GRID2: variants seen among roughly 807,000 people sequenced by gnomAD.
The protein encoded by GRID2 is glutamate receptor ionotropic, delta-2.
A neutral mutation model predicts 114.8 loss-of-function variants in GRID2; 33 were observed. The ratio of observed to expected loss-of-function variants is 0.29; its 90% CI spans 0.22 to 0.38. The LOEUF is 0.38. GRID2 is among the 10% of genes least tolerant of loss of function. The probability of loss-of-function intolerance (pLI) is 1.00; values close to 1 mark genes in which losing one functional copy is unlikely to be tolerated. For synonymous variants in GRID2, 505 were observed against 449.9 expected (o/e 1.12, Z -1.55); for missense variants, 1,184 against 1,257.7 (o/e 0.94, Z 0.89).
intron 10 of GRID2, among the ~76,000 whole-genome samples, chr4:93,434,059 C>T (rs1720834403): frequency 1.3e-5 from 2 of 152,142 alleles, no homozygotes; most frequent in Admixed American, 1.3e-4. Flanking sequence ...GTTTTGAATC[C>T]TCTCTGAGTC....
intron 2 of GRID2, among the ~76,000 whole-genome samples, chr4:92,794,986 TAAGG>T (rs1298912386): frequency 2.0e-5 from 3 of 149,008 alleles, no homozygotes; most frequent in African/African-American, 7.4e-5. Context: ...AAGAAAATCA[TAAGG>T]AAGAGAAAAT....
At chr4:93,501,657 T>A (rs1042762081) in intron 12 of GRID2, among the ~76,000 whole-genome samples, 4 of 152,076 alleles carry the variant, frequency 2.6e-5, no homozygotes, top group African/African-American at 9.7e-5. Context: ...CAAAGCCACC[T>A]TTCAGTGAGC....
intron 14 of GRID2, among the ~76,000 whole-genome samples, chr4:93,726,519 T>A (rs371108263): frequency 5.3e-5 from 8 of 152,002 alleles, no homozygotes; most frequent in South Asian, 2.1e-4. Context: ...CAATTCTGTG[T>A]AGAAAGTCAT....
intron 8 of GRID2, among the ~76,000 whole-genome samples, chr4:93,341,479 C>T (rs1463682256): frequency 7.9e-5 from 12 of 152,074 alleles, no homozygotes; most frequent in Admixed American, 1.3e-4. Context: ...CCCGCCACCA[C>T]GCCCGGCTCA....
intron 8 of GRID2, among the ~76,000 whole-genome samples, chr4:93,365,750 A>C (rs1456050508): frequency 6.6e-6 from 1 of 152,156 alleles, no homozygotes. Flanking sequence ...TTACAGCCTA[A>C]AGTTAGGCAT....
chr4:93,304,732 T>A lies in GRID2; in HGVS notation c.1245+66242T>A, dbSNP rs577436552. On this transcript the variant is annotated intron_variant, in intron 8 of 15. Coordinates refer to ENST00000282020, the MANE Select transcript of GRID2 (RefSeq NM_001510.4). ...AACTAAAACAAAACAGCATGCTTAT[T>A]GCTTTGTGTGTAATAGGTAGCAAAT... 3.7e-4 allele frequency among the ~76,000 whole-genome samples: 57 copies of A among 152,264 alleles called. No homozygotes were observed. The South Asian group carries it at 0.011, about 30-fold the overall frequency.
chr4:92,468,637 T>C (rs1324663496), intron 1 of GRID2, among the ~76,000 whole-genome samples: 5 of 152,022 alleles, frequency 3.3e-5, no homozygotes, highest in Non-Finnish European at 7.4e-5. Flanking sequence ...AACAAACACC[T>C]CTAAGTTTGT....
At chr4:92,310,792 A>G (rs1230443994) in intron 1 of GRID2, among the ~76,000 whole-genome samples, 1 of 152,010 alleles carries the variant, frequency 6.6e-6, no homozygotes, top group Non-Finnish European at 1.5e-5. Context: ...AACAATTGCT[A>G]TATTTAAGGA....
rs571563453 is a variant in GRID2 at position 92,389,793 on chromosome 4, A to G, written c.88+85049A>G. ...TAACCCTGTGTTATGGATTTGTATTAACTGTAAGGAGATATCTAGTGATTT... is the reference window on the plus strand; with the variant it reads ...TAACCCTGTGTTATGGATTTGTATTGACTGTAAGGAGATATCTAGTGATTT... On this transcript the variant is annotated intron_variant, in intron 1 of 15. Coordinates refer to ENST00000282020, the MANE Select transcript of GRID2 (RefSeq NM_001510.4). 2.4e-3 allele frequency among the ~76,000 whole-genome samples: 368 copies of G among 152,196 alleles called. 1 individual carries two copies. The highest frequency in any genetic ancestry group is 8.5e-3 in the African/African-American group (354 of 41,568).
intron 2 of GRID2, among the ~76,000 whole-genome samples, chr4:92,608,981 G>T (rs1159349384): frequency 6.6e-6 from 1 of 151,644 alleles, no homozygotes; most frequent in Non-Finnish European, 1.5e-5. Context: ...AAAATTTGTT[G>T]TTTAGCAAAT....
intron 6 of GRID2, among the ~76,000 whole-genome samples, chr4:93,224,402 G>A (rs779188964): frequency 3.9e-5 from 6 of 151,966 alleles, no homozygotes; most frequent in Non-Finnish European, 8.8e-5. Flanking sequence ...ACCTAAATAA[G>A]CTGAAAAAGC....
chr4:92,491,686 GGT>G (rs144345270), intron 1 of GRID2, among the ~76,000 whole-genome samples: 32 of 148,702 alleles, frequency 2.2e-4, no homozygotes, highest in Middle Eastern at 3.4e-3. Context: ...TTCCTTATTG[GGT>G]GTGTGTGTGT....
intron 1 of GRID2, among the ~76,000 whole-genome samples, chr4:92,441,580 G>C (rs1034922466): frequency 6.6e-6 from 1 of 152,120 alleles, no homozygotes; most frequent in East Asian, 1.9e-4. Context: ...AACTTGTAAG[G>C]CTCGTCTGGT....
At chr4:92,820,673 C>T (rs1741224360) in intron 2 of GRID2, among the ~76,000 whole-genome samples, 1 of 152,110 alleles carries the variant, frequency 6.6e-6, no homozygotes, top group Non-Finnish European at 1.5e-5. Context: ...AGTCTCGTTT[C>T]AGCAGATAAA....
At chr4:92,970,167 C>T (rs1254728236) in intron 2 of GRID2, among the ~76,000 whole-genome samples, 1 of 151,798 alleles carries the variant, frequency 6.6e-6, no homozygotes. Flanking sequence ...GTAAGAATGC[C>T]ATAGAGTGCA....
At chr4:93,664,883 A>G (rs1001462515) in intron 14 of GRID2, among the ~76,000 whole-genome samples, 1 of 152,220 alleles carries the variant, frequency 6.6e-6, no homozygotes, top group Admixed American at 6.5e-5. Context: ...TAATGTACCT[A>G]AAACACAGAT....
intron 4 of GRID2, among the ~76,000 whole-genome samples, chr4:93,184,853 G>A (rs191386623): frequency 7.2e-5 from 11 of 152,068 alleles, no homozygotes; most frequent in African/African-American, 2.7e-4. Flanking sequence ...CTGCACTCCA[G>A]CCTGGGCAAC....
intron 2 of GRID2, among the ~76,000 whole-genome samples, chr4:92,979,307 T>C (rs951919575): frequency 1.3e-5 from 2 of 152,062 alleles, no homozygotes; most frequent in Non-Finnish European, 2.9e-5. Flanking sequence ...GGATACTAGA[T>C]ATTTAAAATC....
At chr4:93,399,062 C>T (rs1380683445) in intron 9 of GRID2, among the ~76,000 whole-genome samples, 1 of 151,972 alleles carries the variant, frequency 6.6e-6, no homozygotes, top group African/African-American at 2.4e-5. Flanking sequence ...CTTTACCTCA[C>T]TAAACCCTGA....
Sources: allele counts gnomAD v4.1 joint callset (sites outside exome capture counted in the v4.1 genomes callset), GRCh38; gene constraint gnomAD v4.1.1; transcripts MANE v1.5; gene names NCBI Gene and HGNC (gene_info 2026-07-23, HGNC 2026-07-21).